The following NALF1 variants were observed in gnomAD, a reference collection of about 807,000 sequenced individuals.
NALF1 encodes the protein NALCN channel auxiliary factor 1, also known as family with sequence similarity 155 member A.
In NALF1, 3 loss-of-function variants were observed where a neutral mutation model predicts 48.4. The ratio of observed to expected loss-of-function variants is 0.06; its 90% CI spans 0.03 to 0.16. NALF1 has a LOEUF of 0.16. Ranked by LOEUF, NALF1 falls within the 10% of genes least tolerant of loss-of-function variation. The pLI, the probability that NALF1 is intolerant of heterozygous loss-of-function variation, is 1.00. For missense variants in NALF1, 526 were observed against 571.5 expected (o/e 0.92, Z 0.81); for synonymous variants, 262 against 245.7 (o/e 1.07, Z -0.62).
intron 1 of NALF1, among the ~76,000 whole-genome samples, chr13:107,529,552 G>A (rs186414477): frequency 1.3e-5 from 2 of 152,266 alleles, no homozygotes; most frequent in African/African-American, 2.4e-5. Context: ...TGTCCTAGAT[G>A]TGTGCAATTC....
In NALF1 at chr13:107,748,017, T is replaced by C. The variant is rs371480533; in HGVS notation, c.915+117665A>G. ...AACTATTTATAACTGAAAAAGCCCA[T>C]GTTATTTCTGTAACTAACGTTTTTC... On this transcript the variant is annotated intron_variant, in intron 1 of 2. Coordinates refer to ENST00000375915, the MANE Select transcript of NALF1 (RefSeq NM_001080396.3). 2.2e-4 allele frequency among the ~76,000 whole-genome samples: 34 copies of C among 152,330 alleles called. No individual in the cohort carries two copies. The East Asian group carries it at 5.8e-3, about 26-fold the overall frequency.
chr13:107,802,492 T>C (rs1270232750), intron 1 of NALF1, among the ~76,000 whole-genome samples: 2 of 152,170 alleles, frequency 1.3e-5, no homozygotes, highest in Non-Finnish European at 2.9e-5. Context: ...TAATTTGCAA[T>C]TTTACAAATC....
intron 1 of NALF1, among the ~76,000 whole-genome samples, chr13:107,358,263 T>C (rs1383743821): frequency 6.6e-6 from 1 of 152,146 alleles, no homozygotes; most frequent in African/African-American, 2.4e-5. Flanking sequence ...TTCTTGGTTT[T>C]ATCACTTGCC....
rs548090947 is a variant in NALF1, at chr13:107,208,028, G to T, written c.1087+2556C>A. Among the ~76,000 whole-genome samples the T allele has an allele frequency of 2.0e-5, 3 of 152,236 alleles. No homozygotes were observed. The East Asian group carries it at 5.8e-4, about 29-fold the overall frequency. On this transcript the variant is annotated intron_variant, in intron 2 of 2. Coordinates refer to ENST00000375915, the MANE Select transcript of NALF1 (RefSeq NM_001080396.3). ...GGCTGCTAGTTATCAACATGAATGA[G>T]AATTCTTCAAAGAGGCACAGGTCAC...
At chr13:107,818,044 C>T (rs1478678369) in intron 1 of NALF1, among the ~76,000 whole-genome samples, 3 of 152,196 alleles carry the variant, frequency 2.0e-5, no homozygotes, top group Non-Finnish European at 2.9e-5. Flanking sequence ...ATATCCCTAT[C>T]CTTCTTGAAT....
At chr13:107,383,041 T>C (rs751210258) in intron 1 of NALF1, among the ~76,000 whole-genome samples, 61 of 152,174 alleles carry the variant, frequency 4.0e-4, no homozygotes, top group Admixed American at 2.6e-4. Flanking sequence ...CATACAAGCC[T>C]TTCTCAGATT....
chr13:107,823,977 G>GTTATTATTATTA (rs138189827), intron 1 of NALF1, among the ~76,000 whole-genome samples: 4,744 of 148,790 alleles, frequency 0.032, 106 homozygotes, highest in Middle Eastern at 0.081. Flanking sequence ...TACCATTGCT[G>GTTATTATTATTA]TTATTATTAT....
intron 1 of NALF1, among the ~76,000 whole-genome samples, chr13:107,309,188 G>A (rs1674002220): frequency 6.6e-6 from 1 of 152,154 alleles, no homozygotes; most frequent in African/African-American, 2.4e-5. Flanking sequence ...AATGTTGATG[G>A]ATGAATAAAC....
intron 1 of NALF1, among the ~76,000 whole-genome samples, chr13:107,600,336 T>C (rs1326838963): frequency 2.6e-5 from 4 of 152,172 alleles, no homozygotes; most frequent in Non-Finnish European, 5.9e-5. Context: ...CTTCCTTATA[T>C]TATCAATATT....
At chr13:107,699,560 G>A (rs1881774651) in intron 1 of NALF1, among the ~76,000 whole-genome samples, 1 of 151,844 alleles carries the variant, frequency 6.6e-6, no homozygotes, top group African/African-American at 2.4e-5. Context: ...GGGGTATGAG[G>A]GACAGAAAAA....
intron 2 of NALF1, among the ~76,000 whole-genome samples, chr13:107,201,939 C>T (rs1360633010): frequency 3.9e-5 from 6 of 152,128 alleles, no homozygotes; most frequent in African/African-American, 1.4e-4. Flanking sequence ...TTCAGACTCT[C>T]TATGCCTGGG....
chr13:107,767,955 G>A (rs1427565467), intron 1 of NALF1, among the ~76,000 whole-genome samples: 2 of 152,138 alleles, frequency 1.3e-5, no homozygotes, highest in Non-Finnish European at 2.9e-5. Flanking sequence ...AGGACTACCC[G>A]GAATGATCCC....
chr13:107,224,490 G>T (rs960541095), intron 1 of NALF1, among the ~76,000 whole-genome samples: 2 of 149,410 alleles, frequency 1.3e-5, no homozygotes, highest in African/African-American at 4.9e-5. Context: ...TATATTTTCA[G>T]CCCCAAATTG....
chr13:107,224,653 C>G (rs1332476615), intron 1 of NALF1, among the ~76,000 whole-genome samples: 3 of 151,984 alleles, frequency 2.0e-5, no homozygotes, highest in African/African-American at 7.2e-5. Context: ...AAATAAGCAC[C>G]TTAACAAATT....
At chr13:107,328,641 T>C (rs1305474191) in intron 1 of NALF1, among the ~76,000 whole-genome samples, 1 of 152,178 alleles carries the variant, frequency 6.6e-6, no homozygotes. Flanking sequence ...AAATGAATAG[T>C]ACAATGCCTC....
intron 1 of NALF1, among the ~76,000 whole-genome samples, chr13:107,281,418 G>T (rs188412202): frequency 1.3e-5 from 2 of 152,148 alleles, no homozygotes; most frequent in East Asian, 3.9e-4. Context: ...GAGCATGAGG[G>T]GAAAATATTT....
At chr13:107,540,175 T>A (rs1398043530) in intron 1 of NALF1, among the ~76,000 whole-genome samples, 1 of 152,086 alleles carries the variant, frequency 6.6e-6, no homozygotes, top group African/African-American at 2.4e-5. Context: ...ATGCTCTTTA[T>A]ACCTTTGATG....
At chr13:107,644,727 T>C (rs147531711) in intron 1 of NALF1, among the ~76,000 whole-genome samples, 87 of 148,286 alleles carry the variant, frequency 5.9e-4, no homozygotes, top group African/African-American at 2.0e-3. Flanking sequence ...TGTTCATAGG[T>C]CTAAAACATG....
chr13:107,406,514 A>T (rs756142954), intron 1 of NALF1, among the ~76,000 whole-genome samples: 1 of 152,042 alleles, frequency 6.6e-6, no homozygotes, highest in Non-Finnish European at 1.5e-5. Context: ...ATTAAAGATG[A>T]CATACCAAAA....
Sources: gnomAD v4.1 joint callset for allele counts (sites outside exome capture counted in the v4.1 genomes callset) on GRCh38, gnomAD v4.1.1 for gene constraint, MANE v1.5 for transcripts, NCBI Gene and HGNC (gene_info 2026-07-23, HGNC 2026-07-21) for gene names.